The following MRPL30 variants were observed in gnomAD, a reference collection of about 807,000 sequenced individuals.
MRPL30 encodes large ribosomal subunit protein uL30m.
Under a neutral mutation model 17.2 loss-of-function variants are expected in MRPL30, and 10 were observed. The ratio of observed to expected loss-of-function variants is 0.58; its 90% CI spans 0.36 to 0.99. The LOEUF (loss-of-function observed/expected upper bound fraction) is 0.99. MRPL30 is among the 50% of genes least tolerant of loss of function. The pLI, the probability that MRPL30 is intolerant of heterozygous loss-of-function variation, is 0.01. For synonymous variants in MRPL30, 61 were observed against 62.1 expected (o/e 0.98, Z 0.08); for missense variants, 170 against 189.8 (o/e 0.90, Z 0.61).
rs1329922707 is a variant in MRPL30, at chr2:99,188,265, CA to C, written c.132+11del. ...TCAAGAATTCCAGAAAAAGTAAGAA[CA>C]AAGTTTGATTTTTTTAATGTTAGTG... On this transcript the variant is annotated intron_variant, in intron 3 of 5. Transcript: ENST00000338148. 1.9e-6 allele frequency: 3 copies of C among 1,592,422 alleles called. No homozygotes were observed. In the African/African-American group the frequency reaches 4.1e-5, roughly 22 times the overall value.
At position 99,188,182 on chromosome 2, in the gene MRPL30, G is replaced by A. The variant is rs267599507; in HGVS notation, c.57G>A (p.Val19=). The part of the protein sequence containing the change: ...VQWPPGRLQT[V]TKGVESLICT... Reference sequence around the variant, plus strand: ...TGATTTATATCATATTTTAGACTGTGACAAAAGGTGTGGAGTCTCTTATTT... The same window carrying A: ...TGATTTATATCATATTTTAGACTGTAACAAAAGGTGTGGAGTCTCTTATTT... Residue 19 remains valine (V), a synonymous_variant, in exon 3 of 6, where the codon GTG becomes GTA. Coordinates refer to ENST00000338148, the MANE Select transcript of MRPL30 (RefSeq NM_145212.4). 2.5e-6 allele frequency: 4 copies of A among 1,591,442 alleles called. No individual in the cohort carries two copies. The highest frequency in any genetic ancestry group is 3.4e-6 in the Non-Finnish European group (4 of 1,170,600).
At position 99,199,410 on chromosome 2, in the gene MRPL30, A is replaced by G. The variant is rs1296801324; in HGVS notation, c.*3705A>G. On this transcript the variant is annotated 3_prime_UTR_variant, in exon 6 of 6. Transcript: ENST00000338148. ...AGTCAGATACAAAACACTGGTCACTAAAATTCTTACCTTTATGTATTAGAA... is the reference window on the plus strand; with the variant it reads ...AGTCAGATACAAAACACTGGTCACTGAAATTCTTACCTTTATGTATTAGAA... 6.6e-6 allele frequency among the ~76,000 whole-genome samples: 1 copy of G among 152,218 alleles called. No homozygotes were observed. The highest frequency in any genetic ancestry group is 2.4e-5 in the African/African-American group (1 of 41,446).
rs2093919689 is a variant in MRPL30, at chr2:99,181,249, G to A, written c.-28G>A. 1 of 428,060 alleles carries A rather than the reference G, an allele frequency of 2.3e-6. No homozygotes were observed. The highest frequency in any genetic ancestry group is 4.2e-6 in the Non-Finnish European group (1 of 237,160). 26.5% of individuals were successfully genotyped at this position (428,060 alleles called of 1,614,324 possible). On this transcript the variant is annotated splice_region_variant and 5_prime_UTR_variant, in exon 1 of 6. Coordinates refer to ENST00000338148, the MANE Select transcript of MRPL30 (RefSeq NM_145212.4). Reference sequence around the variant, plus strand: ...TCAGGCTGAAGGTTTAGCGGGTGCCGGTGAGTGGGGAATGAGTGGCGGAGA... The same window carrying A: ...TCAGGCTGAAGGTTTAGCGGGTGCCAGTGAGTGGGGAATGAGTGGCGGAGA...
chr2:99,189,446 T>C (rs2093940260), intron 3 of MRPL30, among the ~76,000 whole-genome samples: 1 of 152,240 alleles, frequency 6.6e-6, no homozygotes, highest in South Asian at 2.1e-4. Context: ...CCTGTAAGGT[T>C]CCTCCATGTC....
chr2:99,181,234 G>C lies in MRPL30; in HGVS notation c.-43G>C, dbSNP rs2093919571. 2 of 461,230 alleles carry C rather than the reference G, an allele frequency of 4.3e-6. No individual in the cohort carries two copies. Among genetic ancestry groups the C allele is most frequent in the Non-Finnish European group, 7.7e-6 (2 of 260,024 alleles). 28.6% of individuals were successfully genotyped at this position (461,230 alleles called of 1,614,324 possible). ...CTTCGGAGGAAAATTTCAGGCTGAAGGTTTAGCGGGTGCCGGTGAGTGGGG... is the reference window on the plus strand; with the variant it reads ...CTTCGGAGGAAAATTTCAGGCTGAACGTTTAGCGGGTGCCGGTGAGTGGGG... On this transcript the variant is annotated 5_prime_UTR_variant, in exon 1 of 6. Coordinates refer to ENST00000338148, the MANE Select transcript of MRPL30 (RefSeq NM_145212.4).
In MRPL30 at chr2:99,196,105, T is replaced by TC. The variant is rs1411037359; in HGVS notation, c.*401dup. ...CAGGGGAAAAAAAAAAATTTTTTTT[T>TC]CACTGACTAAACCTGCTGCAGCTCT... is the stretch of plus-strand genomic sequence containing the variant. On this transcript the variant is annotated 3_prime_UTR_variant, in exon 6 of 6. Coordinates refer to ENST00000338148, the MANE Select transcript of MRPL30 (RefSeq NM_145212.4). 5.2e-6 allele frequency: 1 copy of TC among 192,326 alleles called. No homozygotes were observed. Among genetic ancestry groups the TC allele is most frequent in the African/African-American group, 2.4e-5 (1 of 41,538 alleles). 11.9% of individuals were successfully genotyped at this position (192,326 alleles called of 1,614,324 possible).
chr2:99,190,576 C>A (rs540803315), intron 3 of MRPL30, among the ~76,000 whole-genome samples: 4 of 152,196 alleles, frequency 2.6e-5, no homozygotes, highest in Non-Finnish European at 4.4e-5. Context: ...ATAAAGAAAT[C>A]TTTTTTATTT....
rs2093954823 is a variant in MRPL30, at chr2:99,196,126, GCT to G, written c.*426_*427del. The G allele has an allele frequency of 5.6e-6, 1 of 179,198 alleles. No individual in the cohort carries two copies. Among genetic ancestry groups the G allele is most frequent in the South Asian group, 1.1e-4 (1 of 9,234 alleles). The allele number at this position is 179,198 out of a possible 1,614,324, so 11.1% of individuals were successfully genotyped here. On this transcript the variant is annotated 3_prime_UTR_variant, in exon 6 of 6. Coordinates refer to ENST00000338148, the MANE Select transcript of MRPL30 (RefSeq NM_145212.4). ...TTTTTCACTGACTAAACCTGCTGCA[GCT>G]CTCTTTTACTACAGACTTGGAGATT...
chr2:99,189,671 G>C (rs1397785489), intron 3 of MRPL30, among the ~76,000 whole-genome samples: 1 of 152,180 alleles, frequency 6.6e-6, no homozygotes, highest in Non-Finnish European at 1.5e-5. Context: ...ATAATTGCTG[G>C]ATTGTATGGT....
rs2093955214 is a variant in MRPL30 at position 99,196,314 on chromosome 2, T to C, written c.*609T>C. ...AATTGCGTTAGTATTGTTGTTGTTG[T>C]TTTTGAGACAGGGTCTTGCTCTGTC... On this transcript the variant is annotated 3_prime_UTR_variant, in exon 6 of 6. Coordinates refer to ENST00000338148, the MANE Select transcript of MRPL30 (RefSeq NM_145212.4). 1 of 152,820 alleles carries C rather than the reference T, an allele frequency of 6.5e-6. No homozygotes were observed. Among genetic ancestry groups the C allele is most frequent in the Admixed American group, 6.6e-5 (1 of 15,264 alleles). 9.5% of individuals were successfully genotyped at this position (152,820 alleles called of 1,614,324 possible). A position where few individuals can be genotyped will look rare whatever the true frequency, so the allele number is the denominator to read the frequency against.
chr2:99,190,030 G>A (rs1020833009), intron 3 of MRPL30, among the ~76,000 whole-genome samples: 4 of 151,046 alleles, frequency 2.6e-5, no homozygotes, highest in African/African-American at 4.9e-5. Context: ...GAGGCTGAGC[G>A]GGGAGGATTG....
At chr2:99,191,895 A>T (rs1480013744) in intron 3 of MRPL30, among the ~76,000 whole-genome samples, 1 of 152,082 alleles carries the variant, frequency 6.6e-6, no homozygotes, top group Non-Finnish European at 1.5e-5. Flanking sequence ...TTGCCTTTCC[A>T]AAATATTTTG....
At chr2:99,195,292 A>C in intron 5 of MRPL30, 103 bp downstream of exon 5, 3 of 1,152,472 alleles carry the variant, frequency 2.6e-6, no homozygotes, top group Non-Finnish European at 3.7e-6. Context: ...TTTTTAAAAA[A>C]CTAAAATTTT....
At position 99,195,937 on chromosome 2, in the gene MRPL30, C is replaced by T. The variant is rs2093954547; in HGVS notation, c.*232C>T. On this transcript the variant is annotated 3_prime_UTR_variant, in exon 6 of 6. Coordinates refer to ENST00000338148, the MANE Select transcript of MRPL30 (RefSeq NM_145212.4). ...ATCTCTACTGAAAATACAGAATTAG[C>T]CAGGCATGGTGGCACATGCCTGTAA... 5.0e-6 allele frequency: 2 copies of T among 398,362 alleles called. No individual in the cohort carries two copies. The highest frequency in any genetic ancestry group is 4.6e-5 in the Admixed American group (1 of 21,774). The allele number at this position is 398,362 out of a possible 1,614,324, so 24.7% of individuals were successfully genotyped here.
In MRPL30 at chr2:99,195,891, G is replaced by A; in HGVS notation, c.*186G>A. The A allele has an allele frequency of 1.7e-6, 1 of 602,986 alleles. No homozygotes were observed. Among genetic ancestry groups the A allele is most frequent in the South Asian group, 2.1e-5 (1 of 48,714 alleles). The allele number at this position is 602,986 out of a possible 1,614,324, so 37.4% of individuals were successfully genotyped here. A position where few individuals can be genotyped will look rare whatever the true frequency, so the allele number is the denominator to read the frequency against. On this transcript the variant is annotated 3_prime_UTR_variant, in exon 6 of 6. Transcript: ENST00000338148. The stretch of plus-strand genomic sequence containing the variant: ...GAGGTCAAGAGTTCGAGACCAGCCT[G>A]ACCAACATGGAGAAACCCCCATCTC...
intron 3 of MRPL30, among the ~76,000 whole-genome samples, chr2:99,191,704 T>C (rs148178947): frequency 2.4e-4 from 36 of 152,334 alleles, no homozygotes; most frequent in African/African-American, 6.0e-4. Flanking sequence ...CAGTTGGTTT[T>C]ATTCTTAGGT....
rs1237392848 is a variant in MRPL30, at chr2:99,197,301, C to G, written c.*1596C>G. Reference sequence around the variant, plus strand: ...TCACCTCTTGTAAAATTTGGCTTGGCAACAATGACATTGTCATGCTTATTG... The same window carrying G: ...TCACCTCTTGTAAAATTTGGCTTGGGAACAATGACATTGTCATGCTTATTG... On this transcript the variant is annotated 3_prime_UTR_variant, in exon 6 of 6. Transcript: ENST00000338148. The G allele has an allele frequency of 1.3e-5, 2 of 152,174 alleles. No homozygotes were observed. The highest frequency in any genetic ancestry group is 4.8e-5 in the African/African-American group (2 of 41,434). 9.4% of individuals were successfully genotyped at this position (152,174 alleles called of 1,614,324 possible). A position where few individuals can be genotyped will look rare whatever the true frequency, so the allele number is the denominator to read the frequency against.
intron 3 of MRPL30, among the ~76,000 whole-genome samples, chr2:99,190,369 G>T (rs1398971120): frequency 2.0e-5 from 3 of 152,036 alleles, no homozygotes; most frequent in Non-Finnish European, 4.4e-5. Flanking sequence ...AGACCAGCCT[G>T]GGCAACATAG....
chr2:99,195,694 C>T lies in MRPL30; in HGVS notation c.475C>T (p.His159Tyr). Reference sequence around the variant, plus strand: ...TCTGAAACCTGTGGAGCAGAAAGCACATGAGTCCTAATGCCCCAGCAGCTT... The same window carrying T: ...TCTGAAACCTGTGGAGCAGAAAGCATATGAGTCCTAATGCCCCAGCAGCTT... ...WHLKPVEQKA[H>Y]ES The change falls in exon 6 of 6, where the codon CAT (histidine) becomes TAT (tyrosine). Residue 159 changes from histidine (H) to tyrosine (Y), a missense_variant. Physicochemically the swap from His to Tyr is moderately conservative, Grantham distance 83. Transcript: ENST00000338148. 2.5e-6 allele frequency: 4 copies of T among 1,612,656 alleles called. No homozygotes were observed. The highest frequency in any genetic ancestry group is 3.3e-4 in the Middle Eastern group (2 of 6,012).
Sources: gnomAD v4.1 joint callset for allele counts (sites outside exome capture counted in the v4.1 genomes callset) on GRCh38, gnomAD v4.1.1 for gene constraint, MANE v1.5 for transcripts, NCBI Gene and HGNC (gene_info 2026-07-23, HGNC 2026-07-21) for gene names.